The following USH2A variants were observed in gnomAD, a reference collection of about 807,000 sequenced individuals.
USH2A encodes the protein usherin, also known as Usher syndrome 2A (autosomal recessive, mild).
Under a neutral mutation model 538.9 loss-of-function variants are expected in USH2A, and 443 were observed. That is an observed-to-expected ratio of 0.82 (90% CI 0.76 to 0.89). USH2A has a LOEUF of 0.89. Ranked by LOEUF, USH2A falls within the 40% of genes least tolerant of loss-of-function variation. The pLI is 0.00. For missense variants in USH2A, 6,633 were observed against 6,324.8 expected, an observed-to-expected ratio of 1.05 and a Z score of -1.65; for synonymous variants, 2,413 against 2,273.5, an observed-to-expected ratio of 1.06 and a Z score of -1.75.
chr1:215,931,574 A>G (rs1666362980), intron 38 of USH2A, among the ~76,000 whole-genome samples: 1 of 152,054 alleles, frequency 6.6e-6, no homozygotes, highest in South Asian at 2.1e-4. Context: ...ACAGTGGTGT[A>G]CAGAGAAGGT....
intron 21 of USH2A, among the ~76,000 whole-genome samples, chr1:216,127,090 T>C (rs2033270579): frequency 6.6e-6 from 1 of 152,236 alleles, no homozygotes; most frequent in Non-Finnish European, 1.5e-5. Context: ...TTAAAATATA[T>C]TTCAAATGCT....
intron 21 of USH2A, among the ~76,000 whole-genome samples, chr1:216,123,585 T>C (rs2033179198): frequency 6.6e-6 from 1 of 152,200 alleles, no homozygotes; most frequent in African/African-American, 2.4e-5. Flanking sequence ...TTTCCCTTTT[T>C]TTCGCATTAT....
intron 38 of USH2A, 44 bp from the exon 39 acceptor site, chr1:215,900,949 G>A: frequency 2.5e-6 from 4 of 1,611,490 alleles, no homozygotes; most frequent in Non-Finnish European, 3.4e-6. Context: ...AAACTGTGGA[G>A]AACATATGCT....
chr1:215,630,274 G>T (rs565681627), intron 70 of USH2A: 1 of 456,706 alleles, frequency 2.2e-6, no homozygotes, highest in Non-Finnish European at 4.4e-6. Flanking sequence ...AGAACAAATG[G>T]CAGCATCAGT....
At chr1:215,699,909 C>G (rs998745799) in intron 61 of USH2A, among the ~76,000 whole-genome samples, 1 of 152,068 alleles carries the variant, frequency 6.6e-6, no homozygotes, top group Non-Finnish European at 1.5e-5. Flanking sequence ...ATGCTTCCAG[C>G]TTTTGCCCAT....
At chr1:216,304,278 C>A (rs534179664) in intron 9 of USH2A, among the ~76,000 whole-genome samples, 7 of 152,040 alleles carry the variant, frequency 4.6e-5, no homozygotes, top group Non-Finnish European at 8.8e-5. Context: ...CAAGTGACAG[C>A]AACTGGGTTT....
chr1:215,855,532 G>T (rs1558129260), intron 44 of USH2A, among the ~76,000 whole-genome samples: 1 of 152,082 alleles, frequency 6.6e-6, no homozygotes, highest in Non-Finnish European at 1.5e-5. Flanking sequence ...CCATATACAT[G>T]GATGGGTAGA....
intron 61 of USH2A, among the ~76,000 whole-genome samples, chr1:215,684,060 G>A (rs1257209409): frequency 6.6e-6 from 1 of 152,164 alleles, no homozygotes; most frequent in Non-Finnish European, 1.5e-5. Flanking sequence ...TCCATTCTTT[G>A]CAATCTAATA....
rs537978150 is a variant in USH2A at position 215,679,934 on chromosome 1, C to T, written c.12294+215G>A. On this transcript the variant is annotated intron_variant, in intron 62 of 71. Coordinates refer to ENST00000307340, the MANE Select transcript of USH2A (RefSeq NM_206933.4). ...TGATGTGAGGATTAAATGAGATAAT[C>T]CATGGAGAGCATTTAGCTCAGTGTT... Among the ~76,000 whole-genome samples, 3 of 152,292 alleles carry T rather than the reference C, an allele frequency of 2.0e-5. No homozygotes were observed. In the East Asian group the frequency reaches 5.8e-4, roughly 29 times the overall value.
At chr1:215,782,006 A>T in intron 54 of USH2A, 36 bp downstream of exon 54, 1 of 1,612,986 alleles carries the variant, frequency 6.2e-7, no homozygotes. Flanking sequence ...TTCACACTGA[A>T]CCCCTTTTCC....
chr1:215,649,787 ATGTT>A (rs971785337), intron 65 of USH2A, among the ~76,000 whole-genome samples: 5 of 152,308 alleles, frequency 3.3e-5, no homozygotes, highest in Admixed American at 1.3e-4. Context: ...TCTCTATACA[ATGTT>A]TGTGTGAACA....
rs576320590 is a variant in USH2A, at chr1:215,667,944, G to T, written c.14133+3028C>A. On this transcript the variant is annotated intron_variant, in intron 64 of 71. Coordinates refer to ENST00000307340, the MANE Select transcript of USH2A (RefSeq NM_206933.4). ...ATGTAGTGTAGGAAGGTGGTGGGGAGCCCCAGCTGATACTTGCAAGGCACA... is the reference window on the plus strand; with the variant it reads ...ATGTAGTGTAGGAAGGTGGTGGGGATCCCCAGCTGATACTTGCAAGGCACA... 7.9e-5 allele frequency among the ~76,000 whole-genome samples: 12 copies of T among 152,112 alleles called. No individual in the cohort carries two copies. The East Asian group carries it at 1.6e-3, about 20-fold the overall frequency.
intron 13 of USH2A, among the ~76,000 whole-genome samples, chr1:216,233,326 C>T (rs562954448): frequency 2.0e-5 from 3 of 152,240 alleles, no homozygotes; most frequent in South Asian, 2.1e-4. Flanking sequence ...GCTCAGTTCA[C>T]TCATGTAAGT....
At chr1:216,232,427 A>G (rs112104166) in intron 13 of USH2A, among the ~76,000 whole-genome samples, 359 of 152,332 alleles carry the variant, frequency 2.4e-3, no homozygotes, top group African/African-American at 8.3e-3. Flanking sequence ...AATCAGCTCC[A>G]TTCCAACAGA....
At chr1:216,393,797 GC>G (rs1311021840) in intron 3 of USH2A, among the ~76,000 whole-genome samples, 1 of 152,132 alleles carries the variant, frequency 6.6e-6, no homozygotes, top group Non-Finnish European at 1.5e-5. Context: ...ATGGAGGGGA[GC>G]CAGACCTGAA....
intron 44 of USH2A, among the ~76,000 whole-genome samples, chr1:215,850,856 C>G (rs1663998860): frequency 6.6e-6 from 1 of 152,070 alleles, no homozygotes. Context: ...TTTCAGATCA[C>G]AGTGGAATAA....
intron 55 of USH2A, among the ~76,000 whole-genome samples, chr1:215,770,942 T>TA (rs59409812): frequency 0.012 from 793 of 65,764 alleles, 9 homozygotes; most frequent in East Asian, 0.022. Context: ...CCGTCTCTAC[T>TA]AAAAAAAAAA....
intron 32 of USH2A, among the ~76,000 whole-genome samples, chr1:216,018,122 T>C (rs1007270583): frequency 1.3e-5 from 2 of 152,206 alleles, no homozygotes; most frequent in African/African-American, 4.8e-5. Flanking sequence ...GATTACTGTA[T>C]TATTGGGTAC....
rs1230642443 is a variant in USH2A at position 216,122,453 on chromosome 1, A to G, written c.4628-25240T>C. ...TTGGCACAAGGGATGTGCATGTAAT[A>G]GAAATCTAGAGTCCAAAGATGAGTG... On this transcript the variant is annotated intron_variant, in intron 21 of 71. Transcript: ENST00000307340. Among the ~76,000 whole-genome samples the G allele has an allele frequency of 5.3e-5, 8 of 152,226 alleles. No individual in the cohort carries two copies. The East Asian group carries it at 1.5e-3, about 29-fold the overall frequency.
Sources: allele counts gnomAD v4.1 joint callset (sites outside exome capture counted in the v4.1 genomes callset), GRCh38; gene constraint gnomAD v4.1.1; transcripts MANE v1.5; gene names NCBI Gene and HGNC (gene_info 2026-07-23, HGNC 2026-07-21).